The following METTL16 variants were observed in gnomAD, a reference collection of about 807,000 sequenced individuals.
METTL16 encodes the protein RNA N(6)-adenosine-methyltransferase METTL16.
In METTL16, 19 loss-of-function variants were observed where a neutral mutation model predicts 57.9. The ratio of observed to expected loss-of-function variants is 0.33; its 90% confidence interval spans 0.23 to 0.48. The LOEUF (loss-of-function observed/expected upper bound fraction) is 0.48. Among genes scored for constraint, METTL16 ranks in the 20% least tolerant of loss-of-function variants. METTL16 has a pLI of 0.99. For missense variants in METTL16, 434 were observed against 691.5 expected (o/e 0.63, Z 4.18); for synonymous variants, 246 against 255.6 (o/e 0.96, Z 0.36).
At chr17:2,500,902 AG>A (rs1282476463) in intron 2 of METTL16, among the ~76,000 whole-genome samples, 1 of 152,070 alleles carries the variant, frequency 6.6e-6, no homozygotes, top group Non-Finnish European at 1.5e-5. Context: ...GGATCACCTG[AG>A]GCCAGGAGTT....
At chr17:2,438,589 C>G (rs941144267) in intron 7 of METTL16, among the ~76,000 whole-genome samples, 4 of 152,104 alleles carry the variant, frequency 2.6e-5, no homozygotes, top group Admixed American at 2.6e-4. Flanking sequence ...GCAACCTCCA[C>G]CTCCCAGATT....
At chr17:2,490,070 C>A (rs1458452313) in intron 2 of METTL16, among the ~76,000 whole-genome samples, 1 of 152,090 alleles carries the variant, frequency 6.6e-6, no homozygotes, top group Non-Finnish European at 1.5e-5. Flanking sequence ...ATTCTGATTG[C>A]ATTCTTGTAA....
intron 1 of METTL16, among the ~76,000 whole-genome samples, chr17:2,508,330 C>T (rs946910346): frequency 2.6e-5 from 4 of 152,150 alleles, no homozygotes; most frequent in Non-Finnish European, 5.9e-5. Flanking sequence ...TTCCAAATCA[C>T]ATATCCAACT....
intron 7 of METTL16, among the ~76,000 whole-genome samples, chr17:2,440,433 G>C (rs943899015): frequency 6.6e-6 from 1 of 151,980 alleles, no homozygotes; most frequent in Non-Finnish European, 1.5e-5. Flanking sequence ...ATTTTTAGTA[G>C]AGATGGGGTT....
At chr17:2,462,726 C>A (rs1426923333) in intron 6 of METTL16, among the ~76,000 whole-genome samples, 1 of 152,192 alleles carries the variant, frequency 6.6e-6, no homozygotes, top group Non-Finnish European at 1.5e-5. Context: ...ACTTCCCCAG[C>A]CGTGCTTCCG....
chr17:2,443,145 C>T (rs1386955895), intron 6 of METTL16, among the ~76,000 whole-genome samples: 2 of 151,912 alleles, frequency 1.3e-5, no homozygotes, highest in East Asian at 3.9e-4. Flanking sequence ...TGCGCCACCA[C>T]ACCCGGCTAA....
rs138127283 is a variant in METTL16 at position 2,464,790 on chromosome 17, G to C, written c.586-440C>G. Among the ~76,000 whole-genome samples, 328 of 152,114 alleles carry C rather than the reference G, an allele frequency of 2.2e-3. 1 individual carries two copies. Among genetic ancestry groups the C allele is most frequent in the African/African-American group, 7.4e-3 (308 of 41,474 alleles). ...CTCAAAATTCATCAAAGAACTAAAAGGAAAAGCTAAAACTATAAATTTTCA... is the reference window on the plus strand; with the variant it reads ...CTCAAAATTCATCAAAGAACTAAAACGAAAAGCTAAAACTATAAATTTTCA... On this transcript the variant is annotated intron_variant, in intron 5 of 9. Coordinates refer to ENST00000263092, the MANE Select transcript of METTL16 (RefSeq NM_024086.4).
intron 8 of METTL16, among the ~76,000 whole-genome samples, chr17:2,434,505 G>C (rs1382479832): frequency 6.6e-6 from 1 of 152,152 alleles, no homozygotes; most frequent in South Asian, 2.1e-4. Context: ...CAGCCACCAC[G>C]GCCAGCCCAA....
intron 4 of METTL16, among the ~76,000 whole-genome samples, chr17:2,470,476 A>G (rs557807145): frequency 2.0e-5 from 3 of 152,318 alleles, no homozygotes; most frequent in South Asian, 4.1e-4. Flanking sequence ...AAGTCTGTGA[A>G]TGACCACAAA....
chr17:2,480,293 G>T (rs1021890383), intron 2 of METTL16, among the ~76,000 whole-genome samples: 3 of 151,876 alleles, frequency 2.0e-5, no homozygotes, highest in Admixed American at 2.0e-4. Flanking sequence ...ATATAGATTT[G>T]TTATCTATAC....
intron 2 of METTL16, among the ~76,000 whole-genome samples, chr17:2,485,010 T>C (rs910762998): frequency 6.6e-6 from 1 of 152,160 alleles, no homozygotes; most frequent in Non-Finnish European, 1.5e-5. Flanking sequence ...CCCTGGGCCA[T>C]GGACTGATAT....
At chr17:2,451,822 T>C (rs2067072485) in intron 6 of METTL16, among the ~76,000 whole-genome samples, 1 of 151,916 alleles carries the variant, frequency 6.6e-6, no homozygotes, top group Non-Finnish European at 1.5e-5. Context: ...ATCAGAGCTA[T>C]CAGAAGCCAA....
At chr17:2,448,886 G>A (rs1276166983) in intron 6 of METTL16, among the ~76,000 whole-genome samples, 5 of 148,834 alleles carry the variant, frequency 3.4e-5, no homozygotes, top group Non-Finnish European at 7.4e-5. Context: ...AATTAGCTGG[G>A]TGTGGTGGTG....
chr17:2,486,954 A>G (rs1370488579), intron 2 of METTL16, among the ~76,000 whole-genome samples: 1 of 149,366 alleles, frequency 6.7e-6, no homozygotes, highest in Non-Finnish European at 1.5e-5. Context: ...CAGTGAGCCG[A>G]AATTGTACCA....
In METTL16 at chr17:2,500,270, T is replaced by TTTTTTTC. The variant is rs1555621862; in HGVS notation, c.128+1927_128+1933dup. On this transcript the variant is annotated intron_variant, in intron 2 of 9. Coordinates refer to ENST00000263092, the MANE Select transcript of METTL16 (RefSeq NM_024086.4). ...CTCAAGCCCTATGATCCTAATCTTC[T>TTTTTTTC]TTTTTTCTTTTTTCTTTTTTTTTTG... is the stretch of plus-strand genomic sequence containing the variant. 2.0e-5 allele frequency among the ~76,000 whole-genome samples: 3 copies of TTTTTTTC among 151,726 alleles called. No individual in the cohort carries two copies. The East Asian group carries it at 5.8e-4, about 29-fold the overall frequency.
chr17:2,456,456 A>G (rs2067110911), intron 6 of METTL16, among the ~76,000 whole-genome samples: 1 of 152,188 alleles, frequency 6.6e-6, no homozygotes, highest in African/African-American at 2.4e-5. Context: ...TTAATTATGG[A>G]CTGTTGTTAA....
chr17:2,446,171 A>C (rs1270723711), intron 6 of METTL16, among the ~76,000 whole-genome samples: 4 of 152,200 alleles, frequency 2.6e-5, no homozygotes, highest in Non-Finnish European at 5.9e-5. Flanking sequence ...CCCCCAAACC[A>C]AAAAACTCTG....
At chr17:2,510,578 C>T (rs2067580306) in intron 1 of METTL16, among the ~76,000 whole-genome samples, 1 of 152,200 alleles carries the variant, frequency 6.6e-6, no homozygotes, top group Non-Finnish European at 1.5e-5. Flanking sequence ...AATACAACCA[C>T]TTCTTTTCTA....
intron 2 of METTL16, among the ~76,000 whole-genome samples, chr17:2,496,833 G>GC (rs1214675738): frequency 6.6e-6 from 1 of 151,474 alleles, no homozygotes; most frequent in Non-Finnish European, 1.5e-5. Context: ...AAGTGGGTTT[G>GC]CCCCCTTCCA....
Sources: allele counts gnomAD v4.1 joint callset (sites outside exome capture counted in the v4.1 genomes callset), GRCh38; gene constraint gnomAD v4.1.1; transcripts MANE v1.5; gene names NCBI Gene and HGNC (gene_info 2026-07-23, HGNC 2026-07-21).